PDE11A: variants seen among roughly 807,000 people sequenced by gnomAD.
PDE11A encodes dual 3',5'-cyclic-AMP and -GMP phosphodiesterase 11A.
PDE11A carries 100 observed loss-of-function variants against 100.5 expected under a neutral mutation model. That is an observed-to-expected ratio of 1.00 (90% CI 0.85 to 1.18). The LOEUF is 1.18. PDE11A is among the 50% of genes most tolerant of loss of function. The pLI is 0.00. For missense variants in PDE11A, 1,141 were observed against 1,152.6 expected, an observed-to-expected ratio of 0.99 and a Z score of 0.15; for synonymous variants, 381 against 420.8, an observed-to-expected ratio of 0.91 and a Z score of 1.16.
intron 1 of PDE11A, among the ~76,000 whole-genome samples, chr2:178,033,163 AG>A (rs1342759910): frequency 6.6e-6 from 1 of 152,314 alleles, no homozygotes; most frequent in East Asian, 1.9e-4. Flanking sequence ...AAAAGGTTAC[AG>A]GAACTGCTAA....
At chr2:177,851,637 C>T (rs574352643) in intron 5 of PDE11A, among the ~76,000 whole-genome samples, 14 of 152,272 alleles carry the variant, frequency 9.2e-5, no homozygotes, top group South Asian at 6.2e-4. Flanking sequence ...AAGGCTACTG[C>T]GGAAGAGGCC....
At chr2:178,054,006 A>G (rs1359976487) in intron 1 of PDE11A, among the ~76,000 whole-genome samples, 1 of 152,210 alleles carries the variant, frequency 6.6e-6, no homozygotes, top group Non-Finnish European at 1.5e-5. Context: ...ATTGGAAAAA[A>G]CTACTTTAAA....
At position 177,667,640 on chromosome 2, in the gene PDE11A, A is replaced by C. The variant is rs564818697; in HGVS notation, c.2562+1853T>G. On this transcript the variant is annotated intron_variant, in intron 18 of 19. Coordinates refer to ENST00000286063, the MANE Select transcript of PDE11A (RefSeq NM_016953.4). Reference sequence around the variant, plus strand: ...CCCACACAGTCCTGTGCTTCACAGCATTTTGCATCTCATAAAATAAGTATT... The same window carrying C: ...CCCACACAGTCCTGTGCTTCACAGCCTTTTGCATCTCATAAAATAAGTATT... Among the ~76,000 whole-genome samples, 3 of 152,320 alleles carry C rather than the reference A, an allele frequency of 2.0e-5. No individual in the cohort carries two copies. In the South Asian group the frequency reaches 6.2e-4, roughly 32 times the overall value.
chr2:177,997,142 G>GA (rs1367310192), intron 2 of PDE11A: 1 of 981,778 alleles, frequency 1.0e-6, no homozygotes, highest in Non-Finnish European at 1.6e-6. Context: ...ATGAGTAGTA[G>GA]AATTTAAGTA....
chr2:177,630,781 G>A (rs2079907201), intron 19 of PDE11A, among the ~76,000 whole-genome samples: 1 of 152,000 alleles, frequency 6.6e-6, no homozygotes, highest in African/African-American at 2.4e-5. Flanking sequence ...CTATATGCCT[G>A]TAAAGATGAA....
chr2:177,994,756 T>G lies in PDE11A; in HGVS notation c.1071+19546A>C, dbSNP rs1170533737. Among the ~76,000 whole-genome samples, 9 of 152,228 alleles carry G rather than the reference T, an allele frequency of 5.9e-5. No individual in the cohort carries two copies. The East Asian group carries it at 1.7e-3, about 29-fold the overall frequency. On this transcript the variant is annotated intron_variant, in intron 2 of 19. Coordinates refer to ENST00000286063, the MANE Select transcript of PDE11A (RefSeq NM_016953.4). ...CTTTTACTTAAGAAATCCATGCTGCTGATCAGAAGTTTGCCATAATTTGTA... is the reference window on the plus strand; with the variant it reads ...CTTTTACTTAAGAAATCCATGCTGCGGATCAGAAGTTTGCCATAATTTGTA...
At chr2:177,999,186 G>A (rs2086113799) in intron 2 of PDE11A, among the ~76,000 whole-genome samples, 5 of 152,056 alleles carry the variant, frequency 3.3e-5, no homozygotes, top group South Asian at 4.2e-4. Flanking sequence ...TCCAAGGATC[G>A]TGGTCCTAAT....
chr2:178,031,748 A>T, intron 1 of PDE11A, among the ~76,000 whole-genome samples: 1 of 152,120 alleles, frequency 6.6e-6, no homozygotes, highest in Admixed American at 6.6e-5. Flanking sequence ...CTGACCTATA[A>T]CTTCAGTGCA....
intron 5 of PDE11A, among the ~76,000 whole-genome samples, chr2:177,869,258 AT>A (rs2105684260): frequency 6.6e-6 from 1 of 152,330 alleles, no homozygotes; most frequent in Admixed American, 6.5e-5. Flanking sequence ...GACGTGCTGG[AT>A]TTGCTGCTCA....
intron 19 of PDE11A, among the ~76,000 whole-genome samples, chr2:177,631,513 ATATATATAT>A (rs1316453591): frequency 1.9e-4 from 1 of 5,354 alleles, no homozygotes; most frequent in African/African-American, 4.3e-4. Flanking sequence ...AAAAAAAAAA[ATATATATAT>A]ATATATATAT....
chr2:177,716,979 G>T (rs1017413304), intron 12 of PDE11A, among the ~76,000 whole-genome samples: 1 of 152,182 alleles, frequency 6.6e-6, no homozygotes, highest in South Asian at 2.1e-4. Flanking sequence ...CAGAAATCTA[G>T]CATCTTGGTC....
chr2:177,654,645 G>A (rs1223411928), intron 19 of PDE11A, among the ~76,000 whole-genome samples: 1 of 152,198 alleles, frequency 6.6e-6, no homozygotes, highest in African/African-American at 2.4e-5. Context: ...TTTGGATGTG[G>A]ACAGTAGTAT....
chr2:177,733,818 T>C (rs1358102543), intron 10 of PDE11A, among the ~76,000 whole-genome samples: 1 of 152,260 alleles, frequency 6.6e-6, no homozygotes, highest in Non-Finnish European at 1.5e-5. Flanking sequence ...TTTAGTGTTA[T>C]GCTTTGCATA....
chr2:177,958,169 G>A (rs1412148624), intron 2 of PDE11A, among the ~76,000 whole-genome samples: 3 of 152,174 alleles, frequency 2.0e-5, no homozygotes, highest in South Asian at 4.2e-4. Context: ...GCAATTACAG[G>A]TGTGAGCCAC....
intron 10 of PDE11A, among the ~76,000 whole-genome samples, chr2:177,738,341 G>A (rs2081823558): frequency 6.6e-6 from 1 of 152,126 alleles, no homozygotes; most frequent in Non-Finnish European, 1.5e-5. Flanking sequence ...AGTTTGTCAT[G>A]AATTTCCTGT....
intron 2 of PDE11A, among the ~76,000 whole-genome samples, chr2:178,100,858 C>G (rs2087551698): frequency 6.6e-6 from 1 of 152,092 alleles, no homozygotes; most frequent in Non-Finnish European, 1.5e-5. Flanking sequence ...GTTAGAGGAA[C>G]AACATTGGCT....
intron 1 of PDE11A, among the ~76,000 whole-genome samples, chr2:178,034,677 T>C (rs1326948949): frequency 6.6e-6 from 1 of 152,154 alleles, no homozygotes; most frequent in Non-Finnish European, 1.5e-5. Flanking sequence ...CAAACTTCCC[T>C]CAGACCACAG....
At chr2:177,998,479 C>T in intron 2 of PDE11A, 1 of 1,369,476 alleles carries the variant, frequency 7.3e-7, no homozygotes, top group South Asian at 1.2e-5. Flanking sequence ...ATATCTGCCA[C>T]TCGAGGAAGA....
At chr2:177,660,624 A>G (rs1009911111) in intron 19 of PDE11A, among the ~76,000 whole-genome samples, 1 of 152,180 alleles carries the variant, frequency 6.6e-6, no homozygotes, top group African/African-American at 2.4e-5. Context: ...AAGCTATCAG[A>G]GATAAGAGTT....
Sources: allele counts gnomAD v4.1 joint callset (sites outside exome capture counted in the v4.1 genomes callset), GRCh38; gene constraint gnomAD v4.1.1; transcripts MANE v1.5; gene names NCBI Gene and HGNC (gene_info 2026-07-23, HGNC 2026-07-21).